FRMD7: variants seen among roughly 807,000 people sequenced by gnomAD.
FRMD7 encodes FERM domain-containing protein 7.
FRMD7 carries 14 observed loss-of-function variants against 44.1 expected under a neutral mutation model. That is an observed-to-expected ratio of 0.32 (90% CI 0.21 to 0.50). The LOEUF is 0.50. FRMD7 is among the 20% of genes least tolerant of loss of function. The probability of loss-of-function intolerance (pLI) is 0.99; values close to 1 mark genes in which losing one functional copy is unlikely to be tolerated. For missense variants in FRMD7, 501 were observed against 522.3 expected, an observed-to-expected ratio of 0.96 and a Z score of 0.40; for synonymous variants, 212 against 187.4, an observed-to-expected ratio of 1.13 and a Z score of -1.07.
At chrX:132,086,069 C>T in intron 5 of FRMD7, 35 bp from the exon 6 acceptor site, 1 of 877,895 alleles carries the variant, frequency 1.1e-6, no homozygotes, top group Non-Finnish European at 1.7e-6. Flanking sequence ...TTCACATTAC[C>T]TTTGAGGAAC....
At chrX:132,099,622 G>A (rs1602818496) in intron 2 of FRMD7, 112 bp from the exon 3 acceptor site, 1 of 520,274 alleles carries the variant, frequency 1.9e-6, no homozygotes, top group East Asian at 3.9e-5. Flanking sequence ...GGACTATTTA[G>A]ACTTCTAAAG....
At chrX:132,081,604 T>C (rs1927816516) in intron 9 of FRMD7, among the ~76,000 whole-genome samples, 1 of 112,215 alleles carries the variant, frequency 8.9e-6, no homozygotes, top group South Asian at 3.7e-4. Context: ...CAATCAGAAA[T>C]ATGTAAGTTT....
chrX:132,091,193 G>C (rs1487216342), intron 5 of FRMD7, among the ~76,000 whole-genome samples: 1 of 111,295 alleles, frequency 9.0e-6, no homozygotes, highest in East Asian at 2.8e-4. Context: ...ATGGCCAGTC[G>C]GATATGCACT....
At chrX:132,106,111 T>C (rs1353225760) in intron 1 of FRMD7, among the ~76,000 whole-genome samples, 2 of 112,250 alleles carry the variant, frequency 1.8e-5, no homozygotes, top group Non-Finnish European at 3.8e-5. Flanking sequence ...AAGCTATGCA[T>C]CTGACAAAAG....
In FRMD7 at chrX:132,099,525, A is replaced by G. The variant is rs370024364; in HGVS notation, c.163-15T>C. 10 of 1,184,918 alleles carry G rather than the reference A, an allele frequency of 8.4e-6. No homozygotes were observed. In the South Asian group the frequency reaches 1.4e-4, roughly 17 times the overall value. Reference sequence around the variant, plus strand: ...TCCAGCCAAACCTGTAATAACATTAAGGAAAAAATTGGTAGAGCATGGCAT... The same window carrying G: ...TCCAGCCAAACCTGTAATAACATTAGGGAAAAAATTGGTAGAGCATGGCAT... On this transcript the variant is annotated splice_polypyrimidine_tract_variant and intron_variant, in intron 2 of 11. Transcript: ENST00000298542.
intron 5 of FRMD7, among the ~76,000 whole-genome samples, chrX:132,091,193 G>A (rs1487216342): frequency 9.0e-6 from 1 of 111,295 alleles, no homozygotes; most frequent in Non-Finnish European, 1.9e-5. Flanking sequence ...ATGGCCAGTC[G>A]GATATGCACT....
At chrX:132,080,458 C>A (rs192105243) in intron 9 of FRMD7, among the ~76,000 whole-genome samples, 192 bp from the exon 10 acceptor site, 14 of 112,146 alleles carry the variant, frequency 1.2e-4, no homozygotes, top group Non-Finnish European at 2.3e-4. Context: ...ACTCAGAACG[C>A]AGGTAATTTT....
In FRMD7 at chrX:132,109,747, A is replaced by T. The variant is rs1303390232; in HGVS notation, c.58-9031T>A. Among the ~76,000 whole-genome samples, 7 of 112,044 alleles carry T rather than the reference A, an allele frequency of 6.2e-5. No homozygotes were observed. The East Asian group carries it at 2.0e-3, about 31-fold the overall frequency. ...TGAGGGCGTAGTAGAAAGGATTCCT[A>T]ACAGATGGGACATCTAAGCTGAGGT... On this transcript the variant is annotated intron_variant, in intron 1 of 11. Coordinates refer to ENST00000298542, the MANE Select transcript of FRMD7 (RefSeq NM_194277.3).
intron 11 of FRMD7, 67 bp downstream of exon 11, chrX:132,079,939 A>G: frequency 1.3e-6 from 1 of 755,843 alleles, no homozygotes; most frequent in Non-Finnish European, 2.1e-6. Flanking sequence ...GAATCAATTC[A>G]TGGAAGCATT....
rs980819644 is a variant in FRMD7 at position 132,116,426 on chromosome X, T to C, written c.57+11362A>G. Among the ~76,000 whole-genome samples, 4 of 111,944 alleles carry C rather than the reference T, an allele frequency of 3.6e-5. No homozygotes were observed. The Admixed American group carries it at 3.8e-4, about 11-fold the overall frequency. On this transcript the variant is annotated intron_variant, in intron 1 of 11. Coordinates refer to ENST00000298542, the MANE Select transcript of FRMD7 (RefSeq NM_194277.3). ...CTGAACCGTTTCCATTTTCCATTTGTACATGAAAGCTCTCTCAGAGCTCTT... is the reference window on the plus strand; with the variant it reads ...CTGAACCGTTTCCATTTTCCATTTGCACATGAAAGCTCTCTCAGAGCTCTT...
intron 3 of FRMD7, 50 bp from the exon 4 acceptor site, chrX:132,097,394 G>A (rs775566473): frequency 4.3e-6 from 3 of 697,785 alleles, no homozygotes; most frequent in Non-Finnish European, 6.9e-6. Context: ...CATCACAACA[G>A]TTATAGGTAC....
intron 5 of FRMD7, among the ~76,000 whole-genome samples, chrX:132,089,693 AT>A (rs1928107753): frequency 1.8e-5 from 2 of 112,224 alleles, no homozygotes; most frequent in Admixed American, 9.5e-5. Context: ...TTGACTAGGC[AT>A]TTTACCAAAG....
intron 7 of FRMD7, among the ~76,000 whole-genome samples, chrX:132,084,868 T>C (rs1458160328): frequency 1.8e-5 from 2 of 111,509 alleles, no homozygotes; most frequent in Non-Finnish European, 3.8e-5. Flanking sequence ...ATAGCTTTTC[T>C]AATCTCGCCC....
At chrX:132,079,127 G>C (rs569063840) in intron 11 of FRMD7, among the ~76,000 whole-genome samples, 161 bp from the exon 12 acceptor site, 3 of 112,158 alleles carry the variant, frequency 2.7e-5, no homozygotes, top group Non-Finnish European at 3.8e-5. Flanking sequence ...TAAAGAAAGG[G>C]TAATAACTTC....
intron 1 of FRMD7, among the ~76,000 whole-genome samples, chrX:132,107,676 C>T (rs1928682177): frequency 9.5e-6 from 1 of 105,112 alleles, no homozygotes; most frequent in Non-Finnish European, 1.9e-5. Flanking sequence ...ACAATCTTAT[C>T]AGATAAGGAC....
intron 1 of FRMD7, among the ~76,000 whole-genome samples, chrX:132,106,214 A>G (rs987612384): frequency 1.8e-5 from 2 of 112,361 alleles, no homozygotes; most frequent in African/African-American, 6.5e-5. Context: ...ATGAACAGAC[A>G]TTTTTCAAAA....
chrX:132,099,518 A>G lies in FRMD7; in HGVS notation c.163-8T>C. The G allele has an allele frequency of 8.4e-7, 1 of 1,191,542 alleles. No individual in the cohort carries two copies. The highest frequency in any genetic ancestry group is 1.1e-6 in the Non-Finnish European group (1 of 880,180). On this transcript the variant is annotated splice_region_variant and splice_polypyrimidine_tract_variant and intron_variant, in intron 2 of 11. Transcript: ENST00000298542. ...CAAAAGCTCCAGCCAAACCTGTAAT[A>G]ACATTAAGGAAAAAATTGGTAGAGC...
At chrX:132,097,197 G>T in intron 4 of FRMD7, 69 bp downstream of exon 4, 1 of 796,338 alleles carries the variant, frequency 1.3e-6, no homozygotes, top group Non-Finnish European at 1.9e-6. Context: ...AGAAGCACTT[G>T]CCCCCAATAA....
intron 1 of FRMD7, among the ~76,000 whole-genome samples, chrX:132,105,906 C>T (rs1424871096): frequency 7.4e-5 from 8 of 107,659 alleles, no homozygotes; most frequent in African/African-American, 2.8e-4. Context: ...CTATAAAAAC[C>T]CTGGAAGACA....
Sources: gnomAD v4.1 joint callset for allele counts (sites outside exome capture counted in the v4.1 genomes callset) on GRCh38, gnomAD v4.1.1 for gene constraint, MANE v1.5 for transcripts, NCBI Gene and HGNC (gene_info 2026-07-23, HGNC 2026-07-21) for gene names.